Variants in CCDC171 observed in about 807,000 individuals in gnomAD.
CCDC171 encodes the protein coiled-coil domain containing 171.
Under a neutral mutation model 168.2 loss-of-function variants are expected in CCDC171, and 177 were observed. The ratio of observed to expected loss-of-function variants is 1.05; its 90% CI spans 0.93 to 1.19. The LOEUF is 1.19. CCDC171 is among the 50% of genes most tolerant of loss of function. The pLI is 0.00. For synonymous variants in CCDC171, 687 were observed against 540.8 expected (o/e 1.27, Z -3.75); for missense variants, 1,991 against 1,539.0 (o/e 1.29, Z -4.91).
chr9:15,941,843 C>G (rs1250686572), intron 25 of CCDC171, among the ~76,000 whole-genome samples: 2 of 151,778 alleles, frequency 1.3e-5, no homozygotes, highest in Non-Finnish European at 2.9e-5. Context: ...AAAAGGGTTA[C>G]CTATCTATTG....
intron 9 of CCDC171, among the ~76,000 whole-genome samples, chr9:15,676,125 A>G (rs544034443): frequency 1.3e-5 from 2 of 151,788 alleles, no homozygotes; most frequent in East Asian, 1.9e-4. Flanking sequence ...CATTCATTTG[A>G]TCTTCAGTCA....
At chr9:15,710,608 A>T (rs7859788) in intron 11 of CCDC171, among the ~76,000 whole-genome samples, 73,035 of 141,202 alleles carry the variant, frequency 0.52, 18,054 homozygotes, top group East Asian at 0.79. Context: ...GCCCTCTTTC[A>T]TTTTTTTGAG....
intron 6 of CCDC171, among the ~76,000 whole-genome samples, chr9:15,598,238 G>A (rs1369492840): frequency 5.9e-5 from 9 of 152,058 alleles, no homozygotes. Context: ...TAATTGTGAT[G>A]TTAGGGTGTC....
In CCDC171 at chr9:15,919,484, T is replaced by C. The variant is rs1000886900; in HGVS notation, c.3601-786T>C. ...TCTTGTAAACAATATAGTATTATTTTTGAAAATGTCTTTGAAATATGGGAT... is the reference window on the plus strand; with the variant it reads ...TCTTGTAAACAATATAGTATTATTTCTGAAAATGTCTTTGAAATATGGGAT... On this transcript the variant is annotated intron_variant, in intron 24 of 25. Transcript: ENST00000380701. Among the ~76,000 whole-genome samples the C allele has an allele frequency of 7.4e-4, 112 of 151,676 alleles. 4 individuals are homozygous for C. Among genetic ancestry groups the C allele is most frequent in the Non-Finnish European group, 8.9e-5 (6 of 67,698 alleles).
chr9:15,600,766 A>G (rs2042781457), intron 6 of CCDC171, among the ~76,000 whole-genome samples: 1 of 152,148 alleles, frequency 6.6e-6, no homozygotes, highest in Non-Finnish European at 1.5e-5. Flanking sequence ...GGCCTCCTTG[A>G]GCTGCGGTGG....
At chr9:15,996,125 T>G (rs1161344715) in intron 3 of CCDC171, among the ~76,000 whole-genome samples, 3 of 152,230 alleles carry the variant, frequency 2.0e-5, no homozygotes, top group Non-Finnish European at 4.4e-5. Flanking sequence ...CATAAATGAT[T>G]CCTCTTTTTC....
chr9:15,993,131 T>C (rs1378804774), intron 3 of CCDC171, among the ~76,000 whole-genome samples: 5 of 151,760 alleles, frequency 3.3e-5, no homozygotes, highest in East Asian at 1.9e-4. Context: ...GAGCCCTCAT[T>C]GCCAAATCAA....
At chr9:15,867,274 C>T (rs1682872616) in intron 23 of CCDC171, among the ~76,000 whole-genome samples, 2 of 151,946 alleles carry the variant, frequency 1.3e-5, no homozygotes, top group Non-Finnish European at 2.9e-5. Flanking sequence ...TTTACATTAA[C>T]AGTGATTAAC....
chr9:16,070,192 G>A, the CCDC171 span, among the ~76,000 whole-genome samples: 1 of 152,274 alleles, frequency 6.6e-6, no homozygotes, highest in East Asian at 1.9e-4. Context: ...CTGGGGAGAT[G>A]ATTCATATAA....
chr9:15,739,719 A>T (rs1471410097), intron 16 of CCDC171, among the ~76,000 whole-genome samples: 1 of 151,326 alleles, frequency 6.6e-6, no homozygotes, highest in Non-Finnish European at 1.5e-5. Context: ...ACTTTGAGAC[A>T]AAATTATTTA....
intron 7 of CCDC171, among the ~76,000 whole-genome samples, chr9:15,649,715 G>C (rs1317085948): frequency 6.6e-6 from 1 of 152,134 alleles, no homozygotes; most frequent in South Asian, 2.1e-4. Context: ...TCTCACACCA[G>C]TTAGAATGGC....
chr9:15,767,860 T>C (rs1270117496), intron 18 of CCDC171, among the ~76,000 whole-genome samples: 37 of 7,044 alleles, frequency 5.3e-3, no homozygotes, highest in African/African-American at 0.015. Flanking sequence ...TTTCTTGGAG[T>C]AGGACTTTGA....
intron 3 of CCDC171, among the ~76,000 whole-genome samples, chr9:15,576,732 G>A (rs542449850): frequency 2.0e-5 from 3 of 152,272 alleles, no homozygotes; most frequent in African/African-American, 4.8e-5. Context: ...TCTTGTACAC[G>A]TTCTCCAAGT....
chr9:15,905,256 G>T (rs567044243), intron 24 of CCDC171, among the ~76,000 whole-genome samples: 7 of 152,236 alleles, frequency 4.6e-5, no homozygotes, highest in Admixed American at 2.0e-4. Flanking sequence ...TTCCAAAATT[G>T]ACCACATAGT....
chr9:15,984,267 T>C (rs920617745), intron 3 of CCDC171, among the ~76,000 whole-genome samples: 2 of 152,172 alleles, frequency 1.3e-5, no homozygotes, highest in African/African-American at 4.8e-5. Context: ...AGTGGATGCA[T>C]ATAGCTTCAT....
At position 15,756,043 on chromosome 9, in the gene CCDC171, A is replaced by G. The variant is rs188579248; in HGVS notation, c.2671+10412A>G. Among the ~76,000 whole-genome samples, 207 of 152,330 alleles carry G rather than the reference A, an allele frequency of 1.4e-3. 1 individual carries two copies. Among genetic ancestry groups the G allele is most frequent in the Non-Finnish European group, 2.5e-3 (170 of 68,036 alleles). ...ATGTCAGGAAGGCAAAAGCTTTCCC[A>G]TAAGCTTACCCAGCAGTTTTCTCTT... is the stretch of plus-strand genomic sequence containing the variant. On this transcript the variant is annotated intron_variant, in intron 18 of 25. Transcript: ENST00000380701.
At chr9:15,560,283 A>T (rs1201902631) in intron 1 of CCDC171, among the ~76,000 whole-genome samples, 2 of 152,042 alleles carry the variant, frequency 1.3e-5, no homozygotes. Context: ...CTGCCTCACT[A>T]GGTTGGGGAA....
intron 25 of CCDC171, among the ~76,000 whole-genome samples, chr9:15,928,762 A>T (rs1589152601): frequency 6.6e-6 from 1 of 151,860 alleles, no homozygotes; most frequent in East Asian, 1.9e-4. Flanking sequence ...CAAAAACTGG[A>T]CAGCTCAGTC....
chr9:15,698,046 G>T (rs1028495800), intron 11 of CCDC171, among the ~76,000 whole-genome samples: 1 of 130,274 alleles, frequency 7.7e-6, no homozygotes, highest in African/African-American at 2.8e-5. Flanking sequence ...AATATAAAAC[G>T]TATTGTTGTT....
Sources: gnomAD v4.1 joint callset for allele counts (sites outside exome capture counted in the v4.1 genomes callset) on GRCh38, gnomAD v4.1.1 for gene constraint, MANE v1.5 for transcripts, NCBI Gene and HGNC (gene_info 2026-07-23, HGNC 2026-07-21) for gene names.